Variants in CLASP1 observed in about 807,000 individuals in gnomAD.
CLASP1 encodes the protein CLIP-associating protein 1.
In CLASP1, 38 loss-of-function variants were observed where a neutral mutation model predicts 192.3. The ratio of observed to expected loss-of-function variants is 0.20; its 90% CI spans 0.15 to 0.26. CLASP1 has a LOEUF of 0.26. Ranked by LOEUF, CLASP1 falls within the 10% of genes least tolerant of loss-of-function variation. The probability of loss-of-function intolerance (pLI) is 1.00; values close to 1 mark genes in which losing one functional copy is unlikely to be tolerated. For missense variants in CLASP1, 1,433 were observed against 1,932.5 expected (o/e 0.74, Z 4.85); for synonymous variants, 691 against 712.8 (o/e 0.97, Z 0.49).
At chr2:121,572,324 A>G (rs1350946872) in intron 2 of CLASP1, among the ~76,000 whole-genome samples, 3 of 152,178 alleles carry the variant, frequency 2.0e-5, no homozygotes, top group Non-Finnish European at 2.9e-5. Flanking sequence ...GCTACTCAGG[A>G]TGCTGAGGCA....
chr2:121,353,493 C>A (rs1308745325), intron 37 of CLASP1, among the ~76,000 whole-genome samples: 1 of 152,200 alleles, frequency 6.6e-6, no homozygotes, highest in East Asian at 1.9e-4. Context: ...CTGTGTGGTG[C>A]TTCCTCTCCC....
chr2:121,625,263 T>C (rs373146537), intron 1 of CLASP1, among the ~76,000 whole-genome samples: 1 of 152,182 alleles, frequency 6.6e-6, no homozygotes, highest in East Asian at 1.9e-4. Flanking sequence ...CCCCACTTTC[T>C]ATACTAAGTA....
chr2:121,537,068 T>C (rs1184585931), intron 2 of CLASP1, among the ~76,000 whole-genome samples: 1 of 152,146 alleles, frequency 6.6e-6, no homozygotes, highest in Non-Finnish European at 1.5e-5. Context: ...TCTGTGAATG[T>C]ACTATAAACC....
At chr2:121,381,884 G>A (rs1183031098) in intron 33 of CLASP1, among the ~76,000 whole-genome samples, 1 of 152,122 alleles carries the variant, frequency 6.6e-6, no homozygotes, top group African/African-American at 2.4e-5. Context: ...TATTGCCCAC[G>A]CTGACCTCAC....
At chr2:121,349,053 T>G (rs541183601) in intron 37 of CLASP1, among the ~76,000 whole-genome samples, 1 of 152,054 alleles carries the variant, frequency 6.6e-6, no homozygotes. Context: ...ATCCTGGCTA[T>G]CACGGTGAGA....
At chr2:121,611,384 A>T (rs1283715706) in intron 1 of CLASP1, among the ~76,000 whole-genome samples, 2 of 141,080 alleles carry the variant, frequency 1.4e-5, no homozygotes, top group African/African-American at 5.4e-5. Flanking sequence ...GAGTTACAGG[A>T]GAAAGAGGAA....
At chr2:121,428,951 A>G (rs2080918066) in intron 20 of CLASP1, among the ~76,000 whole-genome samples, 1 of 152,226 alleles carries the variant, frequency 6.6e-6, no homozygotes, top group Non-Finnish European at 1.5e-5. Flanking sequence ...GACTCACCCA[A>G]CATCACACTG....
At chr2:121,348,448 C>T (rs2063755748) in intron 38 of CLASP1, 64 bp downstream of exon 39, 29 of 1,431,978 alleles carry the variant, frequency 2.0e-5, no homozygotes, top group African/African-American at 2.8e-5. Context: ...AAAGCCCTTA[C>T]ATTACTTCAA....
At chr2:121,362,342 T>G (rs1456571644) in intron 37 of CLASP1, among the ~76,000 whole-genome samples, 1 of 152,174 alleles carries the variant, frequency 6.6e-6, no homozygotes, top group Non-Finnish European at 1.5e-5. Context: ...GAAAGCCTGG[T>G]GAGGCATAGG....
At chr2:121,448,237 G>A (rs777767202) in intron 18 of CLASP1, 39 bp downstream of exon 18, 3 of 1,577,480 alleles carry the variant, frequency 1.9e-6, no homozygotes, top group African/African-American at 1.3e-5. Context: ...CAGCCCACCA[G>A]AGCGGAGAAC....
At chr2:121,557,692 G>A (rs973113688) in intron 2 of CLASP1, among the ~76,000 whole-genome samples, 1 of 151,936 alleles carries the variant, frequency 6.6e-6, no homozygotes. Context: ...TGGAGATGGA[G>A]GTTGCAGTGA....
At chr2:121,510,495 G>C (rs2094098400) in intron 7 of CLASP1, among the ~76,000 whole-genome samples, 1 of 152,138 alleles carries the variant, frequency 6.6e-6, no homozygotes, top group Non-Finnish European at 1.5e-5. Context: ...GATTTGAAAA[G>C]AAACAGAAAA....
At chr2:121,617,000 A>T (rs2066583347) in intron 1 of CLASP1, among the ~76,000 whole-genome samples, 1 of 152,252 alleles carries the variant, frequency 6.6e-6, no homozygotes, top group Non-Finnish European at 1.5e-5. Context: ...TGCTGTAGGT[A>T]GAAGAGGAAG....
At chr2:121,641,332 TAAA>T (rs35155528) in intron 1 of CLASP1, among the ~76,000 whole-genome samples, 24 of 130,780 alleles carry the variant, frequency 1.8e-4, no homozygotes, top group African/African-American at 6.7e-4. Flanking sequence ...GGGAACCTGT[TAAA>T]AAAAAAAAAA....
intron 8 of CLASP1, among the ~76,000 whole-genome samples, chr2:121,500,484 G>A (rs1230200297): frequency 1.3e-5 from 2 of 149,936 alleles, no homozygotes; most frequent in East Asian, 3.9e-4. Flanking sequence ...GAAGAAAAGA[G>A]AAAAAGAGGA....
At chr2:121,454,843 AAAC>A (rs1461921801) in intron 14 of CLASP1, among the ~76,000 whole-genome samples, 2 of 152,246 alleles carry the variant, frequency 1.3e-5, no homozygotes, top group African/African-American at 2.4e-5. Context: ...AGCGAAATGA[AAAC>A]AACAGCAGCA....
chr2:121,411,214 G>C (rs2077652664), intron 23 of CLASP1, among the ~76,000 whole-genome samples: 1 of 152,206 alleles, frequency 6.6e-6, no homozygotes, highest in South Asian at 2.1e-4. Context: ...AAAAGTTTCT[G>C]ATATGAGAGG....
intron 8 of CLASP1, among the ~76,000 whole-genome samples, chr2:121,500,392 G>GAAAGA (rs1553601298): frequency 1.2e-4 from 14 of 112,276 alleles, no homozygotes; most frequent in Admixed American, 7.5e-4. Context: ...AAGAAAGAAA[G>GAAAGA]AAAGAAAAGA....
At chr2:121,395,877 T>C (rs1384338818) in intron 30 of CLASP1, among the ~76,000 whole-genome samples, 1 of 152,138 alleles carries the variant, frequency 6.6e-6, no homozygotes, top group Non-Finnish European at 1.5e-5. Context: ...CTGAAGATAC[T>C]GAGGAGCAAC....
Sources: gnomAD v4.1 joint callset for allele counts (sites outside exome capture counted in the v4.1 genomes callset) on GRCh38, gnomAD v4.1.1 for gene constraint, MANE v1.5 for transcripts, NCBI Gene and HGNC (gene_info 2026-07-23, HGNC 2026-07-21) for gene names.